Variants in IVD observed in about 807,000 individuals in gnomAD.
The protein encoded by IVD is isovaleryl-CoA dehydrogenase, mitochondrial.
A neutral mutation model predicts 51.3 loss-of-function variants in IVD; 31 were observed. That is an observed-to-expected ratio of 0.60 (90% CI 0.45 to 0.81). IVD has a LOEUF of 0.81. IVD is among the 40% of genes least tolerant of loss of function. The probability of loss-of-function intolerance (pLI) is 0.00; values close to 1 mark genes in which losing one functional copy is unlikely to be tolerated. For missense variants in IVD, 475 were observed against 552.0 expected (o/e 0.86, Z 1.40); for synonymous variants, 205 against 219.4 (o/e 0.93, Z 0.58).
chr15:40,435,382 T>C, intron 8 of IVD: 1 of 1,045,636 alleles, frequency 9.6e-7, no homozygotes, highest in South Asian at 2.6e-5. Flanking sequence ...GCTGGGGTTG[T>C]GGACAGCGCT....
At position 40,420,451 on chromosome 15, in the gene IVD, A is replaced by T. The variant is rs534043098; in HGVS notation, c.*2188A>T. The T allele has an allele frequency of 2.0e-6, 2 of 987,514 alleles. No individual in the cohort carries two copies. Among genetic ancestry groups the T allele is most frequent in the Admixed American group, 6.1e-5 (1 of 16,268 alleles). 61.2% of individuals were successfully genotyped at this position (987,514 alleles called of 1,614,324 possible). On this transcript the variant is annotated 3_prime_UTR_variant, in exon 12 of 12. Transcript: ENST00000487418. ...ATTAAATATATTGTGAAACAAACCT[A>T]TCTGGGGAGAAGCAATCTACTTGCC...
chr15:40,434,193 G>T (rs1280007500), intron 8 of IVD, among the ~76,000 whole-genome samples: 1 of 152,170 alleles, frequency 6.6e-6, no homozygotes, highest in African/African-American at 2.4e-5. Context: ...TGCGCCAGGG[G>T]TAGCAAATCT....
chr15:40,425,440 C>CTATATA (rs72252183), downstream of IVD, among the ~76,000 whole-genome samples: 1,358 of 137,786 alleles, frequency 9.9e-3, 16 homozygotes, highest in African/African-American at 0.017. Flanking sequence ...TGGACTCATA[C>CTATATA]TATATATATA....
chr15:40,406,110 C>T, intron 1 of IVD, 139 bp downstream of exon 1: 5 of 1,539,902 alleles, frequency 3.2e-6, no homozygotes, highest in Non-Finnish European at 4.4e-6. Flanking sequence ...AGCGCCAGCG[C>T]GGGGGCGGGA....
Position 40,420,172 on chromosome 15 carries a change from C to A in IVD, c.*1909C>A, listed in dbSNP as rs1338525547. ...GCAGGGGGGGCAGAGCAGAGGACAG[C>A]GTGCTTTTGTGTACTGTTGGAAGAC... On this transcript the variant is annotated 3_prime_UTR_variant, in exon 12 of 12. Transcript: ENST00000487418. 20 of 985,644 alleles carry A rather than the reference C, an allele frequency of 2.0e-5. No individual in the cohort carries two copies. Among genetic ancestry groups the A allele is most frequent in the Non-Finnish European group, 2.4e-5 (20 of 830,170 alleles). 61.1% of individuals were successfully genotyped at this position (985,644 alleles called of 1,614,324 possible). A position where few individuals can be genotyped will look rare whatever the true frequency, so the allele number is the denominator to read the frequency against.
chr15:40,411,782 T>TGAAC, intron 6 of IVD, 91 bp downstream of exon 6: 1 of 1,480,238 alleles, frequency 6.8e-7, no homozygotes, highest in Non-Finnish European at 9.4e-7. Context: ...ATGGAATCAG[T>TGAAC]GTTGTGTGCT....
At chr15:40,413,398 TGTGA>T (rs1409917532) in intron 7 of IVD, among the ~76,000 whole-genome samples, 1 of 152,244 alleles carries the variant, frequency 6.6e-6, no homozygotes, top group Non-Finnish European at 1.5e-5. Context: ...ATCCACTGCA[TGTGA>T]GTAACTCATT....
At chr15:40,407,107 C>T (rs1890525875) in intron 1 of IVD, among the ~76,000 whole-genome samples, 1 of 152,248 alleles carries the variant, frequency 6.6e-6, no homozygotes, top group Non-Finnish European at 1.5e-5. Flanking sequence ...AGGTGATCCT[C>T]CTGCCTCGGC....
intron 5 of IVD, 63 bp from the exon 6 acceptor site, chr15:40,411,492 G>A: frequency 2.5e-6 from 4 of 1,611,276 alleles, no homozygotes; most frequent in Non-Finnish European, 3.4e-6. Flanking sequence ...TCAGCAGAAG[G>A]TCTATGGCCT....
downstream of IVD, among the ~76,000 whole-genome samples, chr15:40,428,960 C>T (rs1243795788): frequency 2.0e-5 from 3 of 152,156 alleles, no homozygotes; most frequent in African/African-American, 4.8e-5. Flanking sequence ...GGACCCAGCC[C>T]GGTCCCAATT....
chr15:40,422,585 C>CTTTTTTTCTTTT (rs1892399397), downstream of IVD, among the ~76,000 whole-genome samples: 1 of 69,134 alleles, frequency 1.4e-5, no homozygotes, highest in African/African-American at 8.2e-5. Flanking sequence ...GCCCGGCCGA[C>CTTTTTTTCTTTT]TTTTTTTTTT....
chr15:40,412,805 G>A, intron 6 of IVD, 186 bp from the exon 7 acceptor site: 4 of 601,570 alleles, frequency 6.6e-6, no homozygotes, highest in Non-Finnish European at 8.9e-6. Context: ...GGCAGAGGAG[G>A]CTGGGATCAA....
chr15:40,416,728 C>A (rs1298834251), intron 11 of IVD, among the ~76,000 whole-genome samples: 1 of 152,162 alleles, frequency 6.6e-6, no homozygotes, highest in Non-Finnish European at 1.5e-5. Context: ...CACTTCTCCA[C>A]TCCTCACTAT....
At chr15:40,424,646 G>T (rs1892560390), downstream of IVD, among the ~76,000 whole-genome samples, 2 of 152,208 alleles carry the variant, frequency 1.3e-5, no homozygotes, top group Admixed American at 1.3e-4. Context: ...GTCTTTACAT[G>T]ATCACCATCC....
chr15:40,415,180 G>A, intron 8 of IVD, 198 bp downstream of exon 8: 1 of 759,630 alleles, frequency 1.3e-6, no homozygotes. Context: ...TTAAGTAACA[G>A]ACAAAAGGCC....
At chr15:40,417,681 C>T (rs1344027812) in intron 11 of IVD, among the ~76,000 whole-genome samples, 2 of 152,116 alleles carry the variant, frequency 1.3e-5, no homozygotes, top group African/African-American at 4.8e-5. Context: ...TTAGTAGTCA[C>T]CTAGGGTATC....
At chr15:40,435,024 A>G (rs975902676) in intron 8 of IVD, among the ~76,000 whole-genome samples, 1 of 152,240 alleles carries the variant, frequency 6.6e-6, no homozygotes, top group African/African-American at 2.4e-5. Context: ...CAGGCCAGGC[A>G]TTAATGGCCC....
At position 40,416,346 on chromosome 15, in the gene IVD, C is replaced by T. The variant is rs372504234; in HGVS notation, c.1122C>T (p.Asp374=). Residue 374 remains aspartate, a synonymous_variant, in exon 11 of 12, where the codon GAC becomes GAT. Transcript: ENST00000487418. ...AGTGTGCCACACAGGTAGCCCTGGA[C>T]GGCATTCAGTGTTTTGGTGAGTGAT... ...SAECATQVAL[D]GIQCFGGNGY... 2.3e-4 allele frequency: 377 copies of T among 1,614,070 alleles called. 4 individuals carry two copies. In the South Asian group the frequency reaches 3.2e-3, roughly 13 times the overall value.
chr15:40,435,123 T>C (rs1893193401), intron 8 of IVD, among the ~76,000 whole-genome samples: 1 of 152,200 alleles, frequency 6.6e-6, no homozygotes, highest in African/African-American at 2.4e-5. Context: ...CAATATAGGA[T>C]GTCGTTTGCC....
Sources: allele counts gnomAD v4.1 joint callset (sites outside exome capture counted in the v4.1 genomes callset), GRCh38; gene constraint gnomAD v4.1.1; transcripts MANE v1.5; gene names NCBI Gene and HGNC (gene_info 2026-07-23, HGNC 2026-07-21).